Variants in GPX6 observed in about 807,000 individuals in gnomAD.
GPX6 encodes glutathione peroxidase 6 (olfactory).
GPX6 carries 21 observed loss-of-function variants against 20.0 expected under a neutral mutation model. The ratio of observed to expected loss-of-function variants is 1.05; its 90% CI spans 0.74 to 1.51. The LOEUF is 1.51. GPX6 is among the 40% of genes most tolerant of loss of function. GPX6 has a pLI of 0.00. For missense variants in GPX6, 233 were observed against 254.7 expected (o/e 0.91, Z 0.58); for synonymous variants, 75 against 98.0 (o/e 0.77, Z 1.38).
chr6:28,513,010 C>T lies in GPX6; in HGVS notation c.88-2106G>A, dbSNP rs143307153. On this transcript the variant is annotated intron_variant, in intron 1 of 4. Transcript: ENST00000361902. Reference sequence around the variant, plus strand: ...AAGAACTGGGTTTCATTCTTGAAGTCAGTGAGGCCAAAAACCCACCAATTT... The same window carrying T: ...AAGAACTGGGTTTCATTCTTGAAGTTAGTGAGGCCAAAAACCCACCAATTT... 1.1e-4 allele frequency among the ~76,000 whole-genome samples: 17 copies of T among 151,780 alleles called. No homozygotes were observed. The East Asian group carries it at 3.3e-3, about 30-fold the overall frequency.
intron 1 of GPX6, among the ~76,000 whole-genome samples, chr6:28,512,781 G>C (rs903659614): frequency 6.6e-6 from 1 of 152,000 alleles, no homozygotes; most frequent in African/African-American, 2.4e-5. Flanking sequence ...TGAAGCCAGC[G>C]AGACCACGAA....
In GPX6 at chr6:28,510,844, C is replaced by T. The variant is rs761607451; in HGVS notation, c.148G>A (p.Gly50Ser). 30 of 1,613,962 alleles carry T rather than the reference C, an allele frequency of 1.9e-5. No homozygotes were observed. The South Asian group carries it at 2.7e-4, about 15-fold the overall frequency. ...IYEYGALTLN[G>S]EEYIQFKQFA... ...TGCTTGAATTGGATGTACTCCTCGCCGTTGAGGGTGAGGGCTCCATACTCA... is the reference window on the plus strand; with the variant it reads ...TGCTTGAATTGGATGTACTCCTCGCTGTTGAGGGTGAGGGCTCCATACTCA... Residue 50 changes from glycine (G) to serine (S), a missense_variant, in exon 2 of 5, where the codon GGC becomes AGC. Transcript: ENST00000361902.
At chr6:28,506,557 T>C in intron 2 of GPX6, 128 bp from the exon 3 acceptor site, 1 of 650,776 alleles carries the variant, frequency 1.5e-6, no homozygotes, top group East Asian at 2.6e-5. Context: ...GATTCAAGGT[T>C]ACAGAGATCA....
chr6:28,507,350 T>C (rs556937762), intron 2 of GPX6, among the ~76,000 whole-genome samples: 1 of 152,352 alleles, frequency 6.6e-6, no homozygotes, highest in African/African-American at 2.4e-5. Flanking sequence ...CTCTCTCTTA[T>C]CTTTGGCCAT....
intron 1 of GPX6, among the ~76,000 whole-genome samples, chr6:28,513,373 C>G (rs925632602): frequency 6.6e-6 from 1 of 152,132 alleles, no homozygotes; most frequent in African/African-American, 2.4e-5. Flanking sequence ...CTAGACACTG[C>G]CTTAAGGTTG....
At chr6:28,512,979 G>A (rs375857591) in intron 1 of GPX6, among the ~76,000 whole-genome samples, 5 of 151,972 alleles carry the variant, frequency 3.3e-5, no homozygotes, top group African/African-American at 9.7e-5. Context: ...TGGACACGCT[G>A]CCTTAAAGAA....
intron 1 of GPX6, among the ~76,000 whole-genome samples, chr6:28,513,505 T>G (rs1762958669): frequency 6.6e-6 from 1 of 152,182 alleles, no homozygotes; most frequent in Non-Finnish European, 1.5e-5. Flanking sequence ...ACAAGGGAAC[T>G]TTTCCGGTTT....
intron 1 of GPX6, among the ~76,000 whole-genome samples, chr6:28,514,899 C>T (rs960683367): frequency 1.3e-5 from 2 of 152,178 alleles, no homozygotes; most frequent in African/African-American, 4.8e-5. Context: ...GCGGGTGCCT[C>T]AGGTGATCTG....
Position 28,504,329 on chromosome 6 carries a change from T to G in GPX6, c.629A>C (p.Asp210Ala). 1 of 1,614,168 alleles carries G rather than the reference T, an allele frequency of 6.2e-7. No homozygotes were observed. Residue 210 changes from aspartate (D) to alanine (A), a missense_variant, in exon 5 of 5, where the codon GAC becomes GCC. Physicochemically the swap from Asp to Ala is moderately radical, Grantham distance 126 (BLOSUM62 -2). Transcript: ENST00000361902. ...GAACTGCTTTAGGTACTCCAGGATG[T>G]CTGACTTGACTGTGCTGACTGGAGC... The part of the protein sequence containing the change: ...HQAPVSTVKS[D>A]ILEYLKQFNT...
intron 1 of GPX6, among the ~76,000 whole-genome samples, chr6:28,513,230 G>A (rs904280472): frequency 6.6e-6 from 1 of 152,144 alleles, no homozygotes; most frequent in East Asian, 1.9e-4. Flanking sequence ...AAGATCCCTG[G>A]GATACAGAAA....
chr6:28,514,199 T>C (rs562825755), intron 1 of GPX6, among the ~76,000 whole-genome samples: 2 of 152,362 alleles, frequency 1.3e-5, no homozygotes, highest in East Asian at 3.9e-4. Flanking sequence ...GCCTTTGTGC[T>C]ACCTTAGCTC....
intron 2 of GPX6, 149 bp from the exon 3 acceptor site, chr6:28,506,578 G>GAAA: frequency 3.8e-5 from 15 of 391,802 alleles, no homozygotes; most frequent in South Asian, 4.7e-5. Flanking sequence ...AAGGAGTAGA[G>GAAA]AAAAAAAAAA....
rs67996303 is a variant in GPX6, at chr6:28,504,022, A to AAC, written c.*268_*269dup. 0.023 allele frequency: 7,626 copies of AAC among 336,116 alleles called. 48 individuals carry two copies. Among genetic ancestry groups the AAC allele is most frequent in the African/African-American group, 0.037 (1,666 of 45,430 alleles). The allele number at this position is 336,116 out of a possible 1,614,324, so 20.8% of individuals were successfully genotyped here. On this transcript the variant is annotated 3_prime_UTR_variant, in exon 5 of 5. Coordinates refer to ENST00000361902, the MANE Select transcript of GPX6 (RefSeq NM_182701.1). ...TAGGTGTTCTTTTCCTTAATCTTCAAACACACACACACACACACACACACA... is the reference window on the plus strand; with the variant it reads ...TAGGTGTTCTTTTCCTTAATCTTCAAACACACACACACACACACACACACACA...
At chr6:28,509,716 C>A (rs527590639) in intron 2 of GPX6, among the ~76,000 whole-genome samples, 6 of 152,176 alleles carry the variant, frequency 3.9e-5, no homozygotes, top group Admixed American at 3.9e-4. Context: ...TTTTCTGGAC[C>A]AACAGTAATG....
chr6:28,513,399 C>G (rs533775423), intron 1 of GPX6, among the ~76,000 whole-genome samples: 1 of 152,192 alleles, frequency 6.6e-6, no homozygotes, highest in Non-Finnish European at 1.5e-5. Context: ...CCACAATCTG[C>G]TAGTTTGTAT....
At chr6:28,515,551 A>G in intron 1 of GPX6, 106 bp downstream of exon 1, 1 of 781,724 alleles carries the variant, frequency 1.3e-6, no homozygotes. Flanking sequence ...CTGGGAATGC[A>G]GATCTTGTCC....
In GPX6 at chr6:28,504,491, CAGG is replaced by C; in HGVS notation, c.464_466del (p.Ser155del). The C allele has an allele frequency of 6.2e-7, 1 of 1,613,746 alleles. No homozygotes were observed. ...GCCCAAAAGATCAGAGGTCGGAGGG[CAGG>C]AGTTCTGGAGCAGAGATATAGAAAG... On this transcript the variant is annotated inframe_deletion, in exon 5 of 5. Transcript: ENST00000361902.
chr6:28,505,174 T>C (rs1312325864), intron 4 of GPX6, among the ~76,000 whole-genome samples: 1 of 152,166 alleles, frequency 6.6e-6, no homozygotes. Flanking sequence ...TTATGAAAAA[T>C]TCTGCATTGT....
chr6:28,513,602 A>C (rs950595839), intron 1 of GPX6, among the ~76,000 whole-genome samples: 2 of 152,224 alleles, frequency 1.3e-5, no homozygotes, highest in Non-Finnish European at 2.9e-5. Flanking sequence ...TAAAGTTCAT[A>C]AAATAGCACA....
Sources: gnomAD v4.1 joint callset for allele counts (sites outside exome capture counted in the v4.1 genomes callset) on GRCh38, gnomAD v4.1.1 for gene constraint, MANE v1.5 for transcripts, NCBI Gene and HGNC (gene_info 2026-07-23, HGNC 2026-07-21) for gene names.